MTUS2: variants seen among roughly 807,000 people sequenced by gnomAD.
MTUS2 encodes the protein microtubule-associated tumor suppressor candidate 2.
MTUS2 carries 40 observed loss-of-function variants against 114.1 expected under a neutral mutation model. The ratio of observed to expected loss-of-function variants is 0.35; its 90% CI spans 0.27 to 0.46. The LOEUF is 0.46. Among genes scored for constraint, MTUS2 ranks in the 20% least tolerant of loss-of-function variants. MTUS2 has a pLI of 1.00. For synonymous variants in MTUS2, 688 were observed against 672.0 expected, an observed-to-expected ratio of 1.02 and a Z score of -0.37; for missense variants, 1,679 against 1,705.4, an observed-to-expected ratio of 0.98 and a Z score of 0.27.
chr13:29,186,018 C>T (rs1414275833), intron 5 of MTUS2, among the ~76,000 whole-genome samples: 1 of 151,704 alleles, frequency 6.6e-6, no homozygotes, highest in Non-Finnish European at 1.5e-5. Flanking sequence ...TGAGACCAGC[C>T]AAGGAAACAT....
At chr13:28,893,468 G>A (rs1237095922) in intron 2 of MTUS2, among the ~76,000 whole-genome samples, 1 of 152,190 alleles carries the variant, frequency 6.6e-6, no homozygotes, top group Non-Finnish European at 1.5e-5. Context: ...CGAAGGTAAA[G>A]CCATTGGTCA....
At chr13:28,881,260 G>A (rs1878272130) in intron 2 of MTUS2, among the ~76,000 whole-genome samples, 1 of 152,184 alleles carries the variant, frequency 6.6e-6, no homozygotes, top group African/African-American at 2.4e-5. Flanking sequence ...TTTCACTTAG[G>A]ATAATGGCCT....
intron 13 of MTUS2, among the ~76,000 whole-genome samples, chr13:29,498,084 A>G (rs574179100): frequency 4.1e-4 from 63 of 152,302 alleles, no homozygotes; most frequent in African/African-American, 1.3e-3. Flanking sequence ...GGTGAATGTT[A>G]AAAGCCAGTG....
At chr13:29,481,611 A>G (rs112778429) in intron 10 of MTUS2, among the ~76,000 whole-genome samples, 45 of 152,156 alleles carry the variant, frequency 3.0e-4, no homozygotes, top group African/African-American at 1.0e-3. Context: ...CTGCTTCCAA[A>G]TGGACATCTC....
At chr13:28,941,135 A>G (rs1296472895) in intron 2 of MTUS2, among the ~76,000 whole-genome samples, 1 of 152,112 alleles carries the variant, frequency 6.6e-6, no homozygotes, top group African/African-American at 2.4e-5. Flanking sequence ...TGTTAGAACA[A>G]CTATACCAAT....
chr13:29,332,651 C>T (rs9506143), intron 7 of MTUS2, among the ~76,000 whole-genome samples: 1,187 of 24,648 alleles, frequency 0.048, 94 homozygotes, highest in East Asian at 0.21. Context: ...TTTTTTTTTT[C>T]GGACACAGAG....
At chr13:29,206,672 C>T (rs749367053) in intron 5 of MTUS2, among the ~76,000 whole-genome samples, 3 of 152,114 alleles carry the variant, frequency 2.0e-5, no homozygotes, top group Non-Finnish European at 2.9e-5. Flanking sequence ...GGTGTCCTTT[C>T]TCCACTTTAT....
intron 5 of MTUS2, among the ~76,000 whole-genome samples, chr13:29,240,292 G>A (rs1441021234): frequency 6.6e-6 from 1 of 152,194 alleles, no homozygotes; most frequent in African/African-American, 2.4e-5. Flanking sequence ...CTATGGAGAT[G>A]TTATGAACTC....
intron 4 of MTUS2, among the ~76,000 whole-genome samples, chr13:29,079,576 A>T (rs537276528): frequency 1.3e-5 from 2 of 152,152 alleles, no homozygotes; most frequent in African/African-American, 4.8e-5. Context: ...TTCATTTTGA[A>T]TTTTTAAAAT....
intron 5 of MTUS2, among the ~76,000 whole-genome samples, chr13:29,257,624 G>A (rs1257300571): frequency 6.6e-6 from 1 of 152,178 alleles, no homozygotes; most frequent in Non-Finnish European, 1.5e-5. Flanking sequence ...TCATTGAAAG[G>A]TCGTCAACTG....
chr13:29,344,943 A>T lies in MTUS2; in HGVS notation c.2906-14319A>T, dbSNP rs73439911. Among the ~76,000 whole-genome samples, 382 of 152,276 alleles carry T rather than the reference A, an allele frequency of 2.5e-3. 6 individuals carry two copies. Among genetic ancestry groups the T allele is most frequent in the African/African-American group, 8.4e-3 (348 of 41,568 alleles). ...CATAGTTTCATTGGATACAAAACTCATGGCTGACAATTGTTTTGTTTAAGG... is the reference window on the plus strand; with the variant it reads ...CATAGTTTCATTGGATACAAAACTCTTGGCTGACAATTGTTTTGTTTAAGG... On this transcript the variant is annotated intron_variant, in intron 7 of 15. Coordinates refer to ENST00000612955, the MANE Select transcript of MTUS2 (RefSeq NM_001033602.4).
At chr13:29,291,947 T>G (rs1192275587) in intron 6 of MTUS2, among the ~76,000 whole-genome samples, 6 of 152,194 alleles carry the variant, frequency 3.9e-5, no homozygotes, top group Admixed American at 3.9e-4. Context: ...AAAGGTAAAT[T>G]TTATTACAGA....
At chr13:29,227,162 G>C (rs965354260) in intron 5 of MTUS2, among the ~76,000 whole-genome samples, 2 of 150,700 alleles carry the variant, frequency 1.3e-5, no homozygotes, top group Non-Finnish European at 2.9e-5. Flanking sequence ...GGGAGGCTGG[G>C]GTAGGAGAAT....
At chr13:28,978,030 C>T (rs1189856206) in intron 2 of MTUS2, among the ~76,000 whole-genome samples, 1 of 152,176 alleles carries the variant, frequency 6.6e-6, no homozygotes, top group Non-Finnish European at 1.5e-5. Flanking sequence ...AATTACAGTA[C>T]TGCACAAAGT....
chr13:29,307,897 C>T, intron 6 of MTUS2: 1 of 548,192 alleles, frequency 1.8e-6, no homozygotes. Flanking sequence ...TCAGAGTTTC[C>T]ATGCAGATCT....
intron 5 of MTUS2, among the ~76,000 whole-genome samples, chr13:29,238,012 G>C (rs954514115): frequency 6.6e-6 from 1 of 152,176 alleles, no homozygotes; most frequent in Non-Finnish European, 1.5e-5. Context: ...CAGTATGGAG[G>C]TTCCTCAAAA....
intron 2 of MTUS2, among the ~76,000 whole-genome samples, chr13:28,860,881 C>T (rs115971940): frequency 0.016 from 2,461 of 152,290 alleles, 78 homozygotes; most frequent in African/African-American, 0.056. Context: ...GCTGGACACC[C>T]GTGGCTTGGC....
intron 5 of MTUS2, among the ~76,000 whole-genome samples, chr13:29,180,715 T>G (rs1264712638): frequency 1.3e-5 from 2 of 152,204 alleles, no homozygotes; most frequent in East Asian, 1.9e-4. Flanking sequence ...AGTGGCCACC[T>G]CTGGTTCAGT....
At chr13:28,882,791 C>T (rs771353878) in intron 2 of MTUS2, among the ~76,000 whole-genome samples, 3 of 151,592 alleles carry the variant, frequency 2.0e-5, no homozygotes, top group Non-Finnish European at 2.9e-5. Context: ...TTTCAAAAGA[C>T]GTCATAAAAA....
Sources: allele counts gnomAD v4.1 joint callset (sites outside exome capture counted in the v4.1 genomes callset), GRCh38; gene constraint gnomAD v4.1.1; transcripts MANE v1.5; gene names NCBI Gene and HGNC (gene_info 2026-07-23, HGNC 2026-07-21).